Variants in TERT observed in about 807,000 individuals in gnomAD.
TERT encodes the protein telomerase catalytic subunit.
Under a neutral mutation model 104.0 loss-of-function variants are expected in TERT, and 42 were observed. The observed-to-expected ratio is 0.40, with a 90% CI of 0.32 to 0.52. The LOEUF is 0.52. TERT is among the 20% of genes least tolerant of loss of function. The pLI, the probability that TERT is intolerant of heterozygous loss-of-function variation, is 0.43. For missense variants in TERT, 1,101 were observed against 1,610.3 expected, an observed-to-expected ratio of 0.68 and a Z score of 5.41; for synonymous variants, 781 against 725.6, an observed-to-expected ratio of 1.08 and a Z score of -1.23.
rs1747486378 is a variant in TERT, at chr5:1,253,570, C to T, written c.*158G>A. The T allele has an allele frequency of 1.0e-5, 7 of 670,336 alleles. No individual in the cohort carries two copies. Among genetic ancestry groups the T allele is most frequent in the East Asian group, 8.2e-5 (3 of 36,806 alleles). The allele number at this position is 670,336 out of a possible 1,614,324, so 41.5% of individuals were successfully genotyped here. On this transcript the variant is annotated 3_prime_UTR_variant, in exon 16 of 16. Coordinates refer to ENST00000310581, the MANE Select transcript of TERT (RefSeq NM_198253.3). ...AGGCCTCAGCCGGACACTCAGCCTT[C>T]AGCCGGACATGCAGGCCTCGGCCAA...
At chr5:1,273,708 A>G (rs1459231613) in intron 6 of TERT, among the ~76,000 whole-genome samples, 1 of 21,034 alleles carries the variant, frequency 4.8e-5, no homozygotes, top group South Asian at 2.0e-3. Context: ...ACCACATCAG[A>G]CCCCACGACC....
chr5:1,280,167 T>C lies in TERT; in HGVS notation c.1941A>G (p.Arg647=). ...DYVVGARTFR[R]EKRAERLTSR... ...ACCAAAGCACAGCCACCCTCTTTTC[T>C]CTGCGGAACGTTCTGGCTCCCACGA... Residue 647 remains arginine (R), a synonymous_variant, in exon 4 of 16, where the codon AGA becomes AGG. Coordinates refer to ENST00000310581, the MANE Select transcript of TERT (RefSeq NM_198253.3). 1 of 1,614,096 alleles carries C rather than the reference T, an allele frequency of 6.2e-7. No individual in the cohort carries two copies. The highest frequency in any genetic ancestry group is 8.5e-7 in the Non-Finnish European group (1 of 1,180,026).
rs775014633 is a variant in TERT at position 1,268,538 on chromosome 5, G to A, written c.2564C>T (p.Ala855Val). The change falls in exon 9 of 16, where the codon GCG becomes GTG. Residue 855 changes from alanine to valine, a missense_variant. By Grantham distance (64) the Ala-to-Val change is moderately conservative. This residue lies in a region of TERT where 463 missense variants were observed against 797.5 expected (regional missense o/e 0.58). Coordinates refer to ENST00000310581, the MANE Select transcript of TERT (RefSeq NM_198253.3). The surrounding 1 kb of genome is among the most constrained non-coding windows in gnomAD (Gnocchi z 5.5). ...CYGDMENKLF[A>V]GIRRDGLLLR... ...GCCTCACCCGTCCCGCCGAATCCCC[G>A]CAAACAGCTTGTTCTCCATGTCGCC... 16 of 1,613,366 alleles carry A rather than the reference G, an allele frequency of 9.9e-6. No homozygotes were observed. Among genetic ancestry groups the A allele is most frequent in the Admixed American group, 1.7e-5 (1 of 60,004 alleles).
At position 1,294,858 on chromosome 5, in the gene TERT, C is replaced by T. The variant is rs2126691830; in HGVS notation, c.132G>A (p.Pro44=). ...QGWRLVQRGD[P]AAFRALVAQC... is the part of the protein sequence containing the mutation. ...GGGCCACCAGCGCGCGGAAAGCCGC[C>T]GGGTCCCCGCGCTGCACCAGCCGCC... The change falls in exon 1 of 16, where the codon CCG becomes CCA. Residue 44 remains proline (P), a synonymous_variant. Coordinates refer to ENST00000310581, the MANE Select transcript of TERT (RefSeq NM_198253.3). The T allele has an allele frequency of 6.9e-7, 1 of 1,455,736 alleles. No homozygotes were observed. Among genetic ancestry groups the T allele is most frequent in the Non-Finnish European group, 9.0e-7 (1 of 1,112,528 alleles). The allele number at this position is 1,455,736 out of a possible 1,614,324, so 90.2% of individuals were successfully genotyped here. A position where few individuals can be genotyped will look rare whatever the true frequency, so the allele number is the denominator to read the frequency against.
At position 1,269,379 on chromosome 5, in the gene TERT, G is replaced by A. The variant is rs759137221; in HGVS notation, c.2469-746C>T. ...AATCCCAGCACTTTGGGAGGCCGAG[G>A]TGGGTGGATCACCTGAGGTCAGGAG... On this transcript the variant is annotated intron_variant, in intron 8 of 15. Transcript: ENST00000310581. This position sits in a 1 kb window ranked among gnomAD's most constrained non-coding sequence, Gnocchi z 9.0. Among the ~76,000 whole-genome samples, 2 of 152,172 alleles carry A rather than the reference G, an allele frequency of 1.3e-5. No homozygotes were observed. The highest frequency in any genetic ancestry group is 2.4e-5 in the African/African-American group (1 of 41,440).
In TERT at chr5:1,294,550, G is replaced by A. The variant is rs2126690338; in HGVS notation, c.336C>T (p.Pro112=). The change falls in exon 2 of 16, where the codon CCC becomes CCT. Residue 112 remains proline (P), a synonymous_variant. Transcript: ENST00000310581. ...TGCGCACGCTGGTGGTGAAGGCCTC[G>A]GGGGGGCCCCCGCGGGCCCCGTCCA... The part of the protein sequence containing the change: ...ALLDGARGGP[P]EAFTTSVRSY... 6.3e-7 allele frequency: 1 copy of A among 1,578,746 alleles called. No homozygotes were observed. The highest frequency in any genetic ancestry group is 8.5e-7 in the Non-Finnish European group (1 of 1,170,058).
chr5:1,256,699 C>T lies in TERT; in HGVS notation c.3033-1288G>A, dbSNP rs529876401. On this transcript the variant is annotated intron_variant, in intron 13 of 15. Transcript: ENST00000310581. The surrounding 1 kb of genome is among the most constrained non-coding windows in gnomAD (Gnocchi z 7.0). ...GGTGGGATGTCTTTTCCCCATTTAG[C>T]AACAACGGAAGCCAGGCCCAGAATG... Among the ~76,000 whole-genome samples, 3 of 152,350 alleles carry T rather than the reference C, an allele frequency of 2.0e-5. No homozygotes were observed. The highest frequency in any genetic ancestry group is 2.9e-5 in the Non-Finnish European group (2 of 68,048).
At position 1,260,586 on chromosome 5, in the gene TERT, G is replaced by A; in HGVS notation, c.2858C>T (p.Ser953Phe). The change falls in exon 12 of 16, where the codon TCC becomes TTC. Residue 953 changes from serine to phenylalanine, a missense_variant. Ser to Phe is a radical substitution (Grantham distance 155). Transcript: ENST00000310581. ...QSDYSSYART[S>F]IRASLTFNRG... is the part of the protein sequence containing the mutation. Reference sequence around the variant, plus strand: ...GTTGAAGGTGAGACTGGCTCTGATGGAGGTCCGGGCATAGCTGAGACACAG... The same window carrying A: ...GTTGAAGGTGAGACTGGCTCTGATGAAGGTCCGGGCATAGCTGAGACACAG... 6.2e-7 allele frequency: 1 copy of A among 1,614,082 alleles called. No homozygotes were observed. Among genetic ancestry groups the A allele is most frequent in the Non-Finnish European group, 8.5e-7 (1 of 1,179,990 alleles).
chr5:1,268,188 A>G lies in TERT; in HGVS notation c.2582+332T>C, dbSNP rs903358345. ...AGGCTGCACCAGCCCCATCTCCCCA[A>G]GGACCCTAACGGAACCTGGGTGACG... On this transcript the variant is annotated intron_variant, in intron 9 of 15. Coordinates refer to ENST00000310581, the MANE Select transcript of TERT (RefSeq NM_198253.3). The surrounding 1 kb of genome is among the most constrained non-coding windows in gnomAD (Gnocchi z 5.5). Among the ~76,000 whole-genome samples the G allele has an allele frequency of 1.3e-5, 2 of 152,238 alleles. No individual in the cohort carries two copies. Among genetic ancestry groups the G allele is most frequent in the Non-Finnish European group, 2.9e-5 (2 of 68,044 alleles).
chr5:1,267,282 G>A (rs1024601654), intron 9 of TERT, among the ~76,000 whole-genome samples: 20 of 152,202 alleles, frequency 1.3e-4, no homozygotes, highest in African/African-American at 4.6e-4. Context: ...GCTTCCTGAC[G>A]CATCCTTCAC....
chr5:1,277,579 C>A (rs1232694158), intron 6 of TERT, among the ~76,000 whole-genome samples: 1 of 104,864 alleles, frequency 9.5e-6, no homozygotes. Context: ...ACGGTGGGGG[C>A]GGTAGCTTCC....
intron 2 of TERT, among the ~76,000 whole-genome samples, chr5:1,289,341 C>T (rs1357971850): frequency 2.1e-5 from 3 of 144,876 alleles, no homozygotes; most frequent in African/African-American, 5.2e-5. Context: ...GGGACAGTGC[C>T]TCACTCACCC....
In TERT at chr5:1,278,629, C is replaced by A. The variant is rs756363405; in HGVS notation, c.2286+12G>T. 14 of 1,614,120 alleles carry A rather than the reference C, an allele frequency of 8.7e-6. No homozygotes were observed. The highest frequency in any genetic ancestry group is 1.1e-5 in the Non-Finnish European group (13 of 1,180,050). On this transcript the variant is annotated intron_variant, in intron 6 of 15. Transcript: ENST00000310581. ...ACACATCCTGGACACGACTATCACA[C>A]GTGAACCTTACGTGGCTCTTGAAGG...
chr5:1,282,811 C>G (rs988218751), intron 2 of TERT, 187 bp from the exon 3 acceptor site: 36 of 667,238 alleles, frequency 5.4e-5, no homozygotes, highest in East Asian at 2.2e-4. Flanking sequence ...TGGACCTGCA[C>G]CATTCGGACA....
At chr5:1,280,940 T>C (rs1749981214) in intron 3 of TERT, among the ~76,000 whole-genome samples, 1 of 152,230 alleles carries the variant, frequency 6.6e-6, no homozygotes, top group Admixed American at 6.5e-5. Flanking sequence ...GCTGACAGCC[T>C]GGCACTCCGT....
Position 1,256,280 on chromosome 5 carries a change from C to G in TERT, c.3033-869G>C, listed in dbSNP as rs1013275149. ...CCTCTCGCCTCGGCCTCCCAAAGTG[C>G]TGGGACTACAGGTGTGAGCCACCGC... On this transcript the variant is annotated intron_variant, in intron 13 of 15. Transcript: ENST00000310581. This position sits in a 1 kb window ranked among gnomAD's most constrained non-coding sequence, Gnocchi z 7.0. 6.6e-6 allele frequency among the ~76,000 whole-genome samples: 1 copy of G among 152,168 alleles called. No homozygotes were observed. The highest frequency in any genetic ancestry group is 2.1e-4 in the South Asian group (1 of 4,824).
intron 3 of TERT, among the ~76,000 whole-genome samples, chr5:1,281,809 C>A (rs932403213): frequency 6.6e-6 from 1 of 152,206 alleles, no homozygotes; most frequent in African/African-American, 2.4e-5. Flanking sequence ...GAATCGGGGG[C>A]TGGGCACGGT....
chr5:1,284,936 C>A (rs1397519335), intron 2 of TERT, among the ~76,000 whole-genome samples: 1 of 151,436 alleles, frequency 6.6e-6, no homozygotes, highest in Non-Finnish European at 1.5e-5. Context: ...ACCGCAGGGC[C>A]TGGTGACCTC....
rs1004596617 is a variant in TERT at position 1,253,681 on chromosome 5, C to T, written c.*47G>A. The T allele has an allele frequency of 6.5e-7, 1 of 1,536,384 alleles. No homozygotes were observed. The highest frequency in any genetic ancestry group is 8.9e-7 in the Non-Finnish European group (1 of 1,121,006). On this transcript the variant is annotated 3_prime_UTR_variant, in exon 16 of 16. Transcript: ENST00000310581. The stretch of plus-strand genomic sequence containing the variant: ...CCCTGGGACGTAGAGCCCGGCGTGA[C>T]AGGGCTGCTGGTGTCTGCTCTCGGC...
Sources: gnomAD v4.1 joint callset for allele counts (sites outside exome capture counted in the v4.1 genomes callset) on GRCh38, gnomAD v4.1.1 for gene constraint, gnomAD v4.1.1 regional missense constraint, Gnocchi (gnomAD v3.1) non-coding constraint, MANE v1.5 for transcripts, NCBI Gene and HGNC (gene_info 2026-07-23, HGNC 2026-07-21) for gene names.